Variants in PPEF2 observed in about 807,000 individuals in gnomAD.
PPEF2 encodes serine/threonine-protein phosphatase with EF-hands 2.
Under a neutral mutation model 84.7 loss-of-function variants are expected in PPEF2, and 84 were observed. That is an observed-to-expected ratio of 0.99 (90% CI 0.83 to 1.19). The LOEUF is 1.19. Among genes scored for constraint, PPEF2 ranks in the 50% most tolerant of loss-of-function variants. PPEF2 has a pLI of 0.00. For synonymous variants in PPEF2, 346 were observed against 345.2 expected (o/e 1.00, Z -0.03); for missense variants, 924 against 937.5 (o/e 0.99, Z 0.19).
chr4:75,882,304 G>A (rs7694386), intron 10 of PPEF2, among the ~76,000 whole-genome samples: 131,835 of 152,156 alleles, frequency 0.87, 59,916 homozygotes, highest in Non-Finnish European at 0.99. Context: ...ACGCTCTCTG[G>A]ATGTAGTAGT....
chr4:75,890,234 C>T, intron 4 of PPEF2, 102 bp from the exon 5 acceptor site: 1 of 1,339,470 alleles, frequency 7.5e-7, no homozygotes, highest in Non-Finnish European at 1.0e-6. Context: ...CTCTCTAATC[C>T]CAGAAATTTG....
At chr4:75,877,956 G>C (rs189585452) in intron 10 of PPEF2, among the ~76,000 whole-genome samples, 1 of 152,250 alleles carries the variant, frequency 6.6e-6, no homozygotes, top group African/African-American at 2.4e-5. Context: ...TCTGTCTCAG[G>C]CCAGTCCTCA....
At chr4:75,895,794 A>G (rs1724996665) in intron 2 of PPEF2, among the ~76,000 whole-genome samples, 1 of 151,624 alleles carries the variant, frequency 6.6e-6, no homozygotes, top group Non-Finnish European at 1.5e-5. Flanking sequence ...GGCTGGTTTC[A>G]AACTCCTGGG....
rs371868504 is a variant in PPEF2, at chr4:75,896,607, C to A, written c.-58-224G>T. Among the ~76,000 whole-genome samples, 122 of 152,292 alleles carry A rather than the reference C, an allele frequency of 8.0e-4. 1 individual carries two copies. Among genetic ancestry groups the A allele is most frequent in the African/African-American group, 2.8e-3 (117 of 41,568 alleles). On this transcript the variant is annotated intron_variant, in intron 1 of 16. Transcript: ENST00000286719. ...TTTCAGTCTAGAAACATACTGAAAT[C>A]TCTTATTTTGCATTCTCAAAGCAAT... is the stretch of plus-strand genomic sequence containing the variant.
chr4:75,860,938 A>C lies in PPEF2; in HGVS notation c.2009-18T>G. On this transcript the variant is annotated intron_variant, in intron 16 of 16. Transcript: ENST00000286719. ...GATGAACCCTTATCAGAGGGAGGAAATCACTTCAGTGAGTTAGTCTAGTTT... is the reference window on the plus strand; with the variant it reads ...GATGAACCCTTATCAGAGGGAGGAACTCACTTCAGTGAGTTAGTCTAGTTT... 1 of 1,609,302 alleles carries C rather than the reference A, an allele frequency of 6.2e-7. No individual in the cohort carries two copies. Among genetic ancestry groups the C allele is most frequent in the South Asian group, 1.1e-5 (1 of 90,824 alleles).
chr4:75,882,914 A>G lies in PPEF2; in HGVS notation c.933+12T>C, dbSNP rs4859564. 0.97 allele frequency: 1,548,185 copies of G among 1,595,880 alleles called. 759,006 individuals carry two copies. Among genetic ancestry groups the G allele is most frequent in the East Asian group, 1 (44,512 of 44,646 alleles). The stretch of plus-strand genomic sequence containing the variant: ...ATTATGGTGAAATTTGTATTATTTC[A>G]TTAACCACTACCTTGCTCCTCTCTA... On this transcript the variant is annotated intron_variant, in intron 10 of 16. Coordinates refer to ENST00000286719, the MANE Select transcript of PPEF2 (RefSeq NM_006239.3).
chr4:75,897,648 A>G (rs547851853), intron 1 of PPEF2, among the ~76,000 whole-genome samples: 3 of 152,244 alleles, frequency 2.0e-5, no homozygotes, highest in Admixed American at 2.0e-4. Context: ...GGTGGTGCAC[A>G]CTTGTAATCC....
chr4:75,865,535 G>A (rs1217364822), intron 15 of PPEF2, among the ~76,000 whole-genome samples: 1 of 151,876 alleles, frequency 6.6e-6, no homozygotes, highest in Middle Eastern at 3.2e-3. Context: ...ACAGGCATAT[G>A]CCACCACAGC....
chr4:75,866,248 T>A lies in PPEF2; in HGVS notation c.1861A>T (p.Asn621Tyr), dbSNP rs778852135. 1 of 1,614,164 alleles carries A rather than the reference T, an allele frequency of 6.2e-7. No homozygotes were observed. The highest frequency in any genetic ancestry group is 1.1e-5 in the South Asian group (1 of 91,062). ...AGCCAAGACTTGTACTCCAGCATGT[T>A]GTCTGCTGAGCTGTTCACCAGCTGT... ...RPQLVNSSAD[N>Y]MLEYKSWLKN... Residue 621 changes from asparagine to tyrosine, a missense_variant, in exon 15 of 17, where the codon AAC becomes TAC. Coordinates refer to ENST00000286719, the MANE Select transcript of PPEF2 (RefSeq NM_006239.3).
chr4:75,861,873 T>A (rs574082737), intron 16 of PPEF2, among the ~76,000 whole-genome samples: 68 of 149,576 alleles, frequency 4.5e-4, no homozygotes, highest in African/African-American at 1.5e-3. Context: ...CCTCCCAAAG[T>A]GCTGGGATTA....
intron 15 of PPEF2, 62 bp downstream of exon 15, chr4:75,866,127 A>G (rs1467730549): frequency 2.8e-6 from 4 of 1,444,858 alleles, no homozygotes; most frequent in Non-Finnish European, 9.2e-7. Context: ...TTCTGAATCA[A>G]ATTCTCTCTA....
chr4:75,876,315 C>G lies in PPEF2; in HGVS notation c.1292G>C (p.Arg431Pro). 1.2e-6 allele frequency: 2 copies of G among 1,610,786 alleles called. No individual in the cohort carries two copies. Among genetic ancestry groups the G allele is most frequent in the Non-Finnish European group, 1.7e-6 (2 of 1,178,374 alleles). The change falls in exon 11 of 17, where the codon CGG (arginine) becomes CCG (proline). Residue 431 changes from arginine (R) to proline (P), a missense_variant. Transcript: ENST00000286719. ...SEADSEAGELRKPTQEEWRQV... is the reference protein window; with the variant it reads ...SEADSEAGELPKPTQEEWRQV... ...CCTCCACTCCTCCTGAGTGGGCTTC[C>G]GCAGCTCTCCGGCTTCAGAGTCTGC...
At position 75,872,147 on chromosome 4, in the gene PPEF2, G is replaced by A. The variant is rs1724297286; in HGVS notation, c.1527C>T (p.Ala509=). The A allele has an allele frequency of 1.2e-6, 2 of 1,613,656 alleles. No individual in the cohort carries two copies. Among genetic ancestry groups the A allele is most frequent in the Non-Finnish European group, 8.5e-7 (1 of 1,179,846 alleles). Residue 509 remains alanine (A), a synonymous_variant, in exon 13 of 17, where the codon GCC becomes GCT. Transcript: ENST00000286719. ...HNRKVLTIFS[A]SNYYEVGSNR... ...TGCTGCCAACTTCATAGTAGTTGGA[G>A]GCAGAAAAGATTGTTAATACCTACA...
chr4:75,871,976 T>C, intron 13 of PPEF2, 49 bp downstream of exon 13: 1 of 1,517,054 alleles, frequency 6.6e-7, no homozygotes. Flanking sequence ...AAAGATTCTA[T>C]GAACACTATA....
chr4:75,871,215 C>A (rs188928536), intron 13 of PPEF2, among the ~76,000 whole-genome samples: 1 of 152,006 alleles, frequency 6.6e-6, no homozygotes, highest in African/African-American at 2.4e-5. Context: ...CCACCGCGCC[C>A]GGCCAAAATC....
intron 2 of PPEF2, among the ~76,000 whole-genome samples, chr4:75,894,595 A>G (rs1724965264): frequency 6.6e-6 from 1 of 152,228 alleles, no homozygotes; most frequent in African/African-American, 2.4e-5. Context: ...GGCAGGCCCC[A>G]GGGGAATCTC....
In PPEF2 at chr4:75,860,769, G is replaced by C; in HGVS notation, c.2160C>G (p.Ala720=). The part of the protein sequence containing the change: ...GHIDINEFLE[A]FRLVEKSCPE... ...GGCAGGATTTCTCCACAAGGCGGAA[G>C]GCCTCCAGGAACTCATTGATATCAA... is the stretch of plus-strand genomic sequence containing the variant. The change falls in exon 17 of 17, where the codon GCC becomes GCG. Residue 720 remains alanine, a synonymous_variant. Transcript: ENST00000286719. 1 of 1,614,238 alleles carries C rather than the reference G, an allele frequency of 6.2e-7. No individual in the cohort carries two copies. Among genetic ancestry groups the C allele is most frequent in the Non-Finnish European group, 8.5e-7 (1 of 1,180,046 alleles).
At chr4:75,883,635 G>A (rs1458425155) in intron 8 of PPEF2, 2 of 169,752 alleles carry the variant, frequency 1.2e-5, no homozygotes, top group East Asian at 1.6e-4. Flanking sequence ...TGACTAACAC[G>A]GTGAAACCCC....
chr4:75,879,939 C>G (rs1412258666), intron 10 of PPEF2, among the ~76,000 whole-genome samples: 2 of 152,046 alleles, frequency 1.3e-5, no homozygotes, highest in African/African-American at 2.4e-5. Flanking sequence ...AGCAATTCTC[C>G]TGCCTCAGCC....
Sources: gnomAD v4.1 joint callset for allele counts (sites outside exome capture counted in the v4.1 genomes callset) on GRCh38, gnomAD v4.1.1 for gene constraint, MANE v1.5 for transcripts, NCBI Gene and HGNC (gene_info 2026-07-23, HGNC 2026-07-21) for gene names.